The following NALCN variants were observed in gnomAD, a reference collection of about 807,000 sequenced individuals.
NALCN encodes sodium leak channel NALCN.
In NALCN, 111 loss-of-function variants were observed where a neutral mutation model predicts 225.3. That is an observed-to-expected ratio of 0.49 (90% CI 0.42 to 0.58). The LOEUF is 0.58. Ranked by LOEUF, NALCN falls within the 20% of genes least tolerant of loss-of-function variation. The probability of loss-of-function intolerance (pLI) is 0.00; values close to 1 mark genes in which losing one functional copy is unlikely to be tolerated. For missense variants in NALCN, 1,378 were observed against 2,202.4 expected (o/e 0.63, Z 7.49); for synonymous variants, 764 against 769.0 (o/e 0.99, Z 0.11).
intron 12 of NALCN, among the ~76,000 whole-genome samples, chr13:101,231,641 T>C (rs764808018): frequency 1.3e-5 from 2 of 152,216 alleles, no homozygotes; most frequent in Non-Finnish European, 2.9e-5. Flanking sequence ...AAATGAAATA[T>C]AGTTTATACA....
chr13:101,100,202 C>T (rs1248622134), intron 27 of NALCN, among the ~76,000 whole-genome samples: 1 of 152,088 alleles, frequency 6.6e-6, no homozygotes, highest in Non-Finnish European at 1.5e-5. Flanking sequence ...TGGTGAGAAC[C>T]AAACGCTGCT....
At chr13:101,369,840 TCTTCC>T (rs750231836) in intron 6 of NALCN, among the ~76,000 whole-genome samples, 11 of 152,342 alleles carry the variant, frequency 7.2e-5, no homozygotes, top group Admixed American at 4.6e-4. Flanking sequence ...TGCATTTGTC[TCTTCC>T]CTCACCCACA....
intron 28 of NALCN, among the ~76,000 whole-genome samples, chr13:101,093,508 AGC>A (rs2034342960): frequency 6.6e-6 from 1 of 152,214 alleles, no homozygotes; most frequent in Non-Finnish European, 1.5e-5. Flanking sequence ...AATGGACAAG[AGC>A]ACTTGTGATG....
intron 7 of NALCN, among the ~76,000 whole-genome samples, chr13:101,321,650 A>G (rs1169763570): frequency 6.6e-6 from 1 of 152,176 alleles, no homozygotes; most frequent in Non-Finnish European, 1.5e-5. Context: ...CACAAAAGGC[A>G]TCAATCAATT....
chr13:101,080,618 TAA>T (rs573880563), intron 34 of NALCN, among the ~76,000 whole-genome samples: 8 of 127,098 alleles, frequency 6.3e-5, no homozygotes, highest in Non-Finnish European at 1.2e-4. Flanking sequence ...TATAATCAAT[TAA>T]ATTAATTATT....
At chr13:101,304,430 C>G (rs1199889717) in intron 7 of NALCN, among the ~76,000 whole-genome samples, 6 of 151,944 alleles carry the variant, frequency 3.9e-5, no homozygotes, top group Non-Finnish European at 8.8e-5. Context: ...CCTCCCCTTC[C>G]CTCCCACCCC....
chr13:101,411,438 G>T (rs1195300707), intron 1 of NALCN, among the ~76,000 whole-genome samples: 1 of 151,554 alleles, frequency 6.6e-6, no homozygotes, highest in Non-Finnish European at 1.5e-5. Flanking sequence ...TGCCTCCTGG[G>T]TTCAAATGAT....
intron 13 of NALCN, among the ~76,000 whole-genome samples, chr13:101,196,941 T>G (rs1325682917): frequency 1.3e-5 from 2 of 152,156 alleles, no homozygotes; most frequent in African/African-American, 4.8e-5. Flanking sequence ...GAAGCTTCTG[T>G]TTTTGTCTCT....
At chr13:101,108,224 G>A (rs1421468427) in intron 20 of NALCN, among the ~76,000 whole-genome samples, 5 of 151,122 alleles carry the variant, frequency 3.3e-5, no homozygotes, top group African/African-American at 1.2e-4. Context: ...ACGATTAAAT[G>A]TACATATTTA....
At position 101,068,023 on chromosome 13, in the gene NALCN, C is replaced by T; in HGVS notation, c.4341G>A (p.Val1447=). ...TGGAATAAAACAAGGAGAAATTCTCCACAATTATGGCTTTTAAAAAAAGAA... is the reference window on the plus strand; with the variant it reads ...TGGAATAAAACAAGGAGAAATTCTCTACAATTATGGCTTTTAAAAAAAGAA... ...IMLNLLVAII[V]ENFSLFYSTE... The change falls in exon 39 of 44, where the codon GTG becomes GTA. Residue 1447 remains valine, a synonymous_variant. Coordinates refer to ENST00000251127, the MANE Select transcript of NALCN (RefSeq NM_052867.4). The T allele has an allele frequency of 6.2e-7, 1 of 1,602,442 alleles. No homozygotes were observed. The highest frequency in any genetic ancestry group is 8.5e-7 in the Non-Finnish European group (1 of 1,174,744).
At chr13:101,151,320 A>T (rs2037637071) in intron 15 of NALCN, among the ~76,000 whole-genome samples, 1 of 152,198 alleles carries the variant, frequency 6.6e-6, no homozygotes, top group Admixed American at 6.5e-5. Flanking sequence ...AACATTATTC[A>T]GTTTCAGTTC....
At chr13:101,153,896 A>C (rs2139835293) in intron 15 of NALCN, among the ~76,000 whole-genome samples, 1 of 152,340 alleles carries the variant, frequency 6.6e-6, no homozygotes, top group Admixed American at 6.5e-5. Context: ...GCATGGCATA[A>C]GCGGGTCTTC....
chr13:101,224,034 C>G (rs1451750599), intron 13 of NALCN, among the ~76,000 whole-genome samples: 2 of 152,150 alleles, frequency 1.3e-5, no homozygotes, highest in African/African-American at 4.8e-5. Flanking sequence ...ATCATCCTTA[C>G]TACACCCATG....
chr13:101,073,593 A>C lies in NALCN; in HGVS notation c.4188T>G (p.His1396Gln). 1.2e-6 allele frequency: 2 copies of C among 1,612,794 alleles called. No homozygotes were observed. Among genetic ancestry groups the C allele is most frequent in the South Asian group, 2.2e-5 (2 of 90,940 alleles). Residue 1396 changes from histidine to glutamine, a missense_variant, in exon 37 of 44, where the codon CAT becomes CAG. By Grantham distance (24) the His-to-Gln change is conservative. Coordinates refer to ENST00000251127, the MANE Select transcript of NALCN (RefSeq NM_052867.4). ...VTGEDWNKIM[H>Q]DCMVQPPFCT... Reference sequence around the variant, plus strand: ...GATGAGAGATATTTACCATACAGTCATGCATAATCTTGTTCCAGTCTTCAC... The same window carrying C: ...GATGAGAGATATTTACCATACAGTCCTGCATAATCTTGTTCCAGTCTTCAC...
chr13:101,095,035 C>T (rs2034430108), intron 28 of NALCN, among the ~76,000 whole-genome samples: 1 of 152,120 alleles, frequency 6.6e-6, no homozygotes, highest in African/African-American at 2.4e-5. Flanking sequence ...TAGCTTTGAT[C>T]TAAGTGCTTT....
At position 101,055,306 on chromosome 13, in the gene NALCN, G is replaced by A. The variant is rs776403486; in HGVS notation, c.5206C>T (p.Leu1736=). 6.2e-7 allele frequency: 1 copy of A among 1,612,814 alleles called. No individual in the cohort carries two copies. Among genetic ancestry groups the A allele is most frequent in the Non-Finnish European group, 8.5e-7 (1 of 1,179,354 alleles). ...VESDESGDDL[L]DI ...ACATTGACATCCACCTAAATATCCA[G>A]AAGGTCATCCCCACTTTCGTCGCTC... Residue 1736 remains leucine (L), a synonymous_variant, in exon 44 of 44, where the codon CTG becomes TTG. Coordinates refer to ENST00000251127, the MANE Select transcript of NALCN (RefSeq NM_052867.4).
chr13:101,164,747 A>T (rs1047295394), intron 15 of NALCN, among the ~76,000 whole-genome samples: 11 of 152,220 alleles, frequency 7.2e-5, no homozygotes, highest in African/African-American at 2.4e-4. Flanking sequence ...AATTTATTAT[A>T]AAAAGTCTAA....
At chr13:101,330,947 G>T (rs2045146381) in intron 7 of NALCN, among the ~76,000 whole-genome samples, 1 of 152,222 alleles carries the variant, frequency 6.6e-6, no homozygotes, top group African/African-American at 2.4e-5. Context: ...CCCCAGCCAT[G>T]TGGAACTGTG....
chr13:101,395,373 G>C lies in NALCN; in HGVS notation c.109-8C>G. On this transcript the variant is annotated splice_polypyrimidine_tract_variant and splice_region_variant and intron_variant, in intron 2 of 43. Coordinates refer to ENST00000251127, the MANE Select transcript of NALCN (RefSeq NM_052867.4). ...CAGCAAAGAGTGAACCCACTGCAAT[G>C]ATGGTCCAGAGTTACTACACGGCAC... is the stretch of plus-strand genomic sequence containing the variant. 3 of 1,612,562 alleles carry C rather than the reference G, an allele frequency of 1.9e-6. No individual in the cohort carries two copies. The highest frequency in any genetic ancestry group is 2.5e-6 in the Non-Finnish European group (3 of 1,179,200).
Sources: gnomAD v4.1 joint callset for allele counts (sites outside exome capture counted in the v4.1 genomes callset) on GRCh38, gnomAD v4.1.1 for gene constraint, MANE v1.5 for transcripts, NCBI Gene and HGNC (gene_info 2026-07-23, HGNC 2026-07-21) for gene names.